Variants in DMD observed in about 807,000 individuals in gnomAD.
DMD encodes mutant dystrophin.
Under a neutral mutation model 330.1 loss-of-function variants are expected in DMD, and 63 were observed. The ratio of observed to expected loss-of-function variants is 0.19; its 90% CI spans 0.16 to 0.24. DMD has a LOEUF of 0.24. DMD is among the 10% of genes least tolerant of loss of function. The pLI, the probability that DMD is intolerant of heterozygous loss-of-function variation, is 1.00. For synonymous variants in DMD, 1,223 were observed against 959.8 expected (o/e 1.27, Z -5.07); for missense variants, 3,344 against 2,684.1 (o/e 1.25, Z -5.43).
At chrX:33,196,570 G>C (rs1051427022) in intron 1 of DMD, among the ~76,000 whole-genome samples, 7 of 111,888 alleles carry the variant, frequency 6.3e-5, no homozygotes, top group Non-Finnish European at 9.4e-5. Flanking sequence ...GTTTATACAA[G>C]TTGGTATCCA....
intron 44 of DMD, among the ~76,000 whole-genome samples, chrX:32,148,307 T>A (rs1318767034): frequency 8.9e-6 from 1 of 111,851 alleles, no homozygotes; most frequent in Admixed American, 9.5e-5. Context: ...GATATTATTA[T>A]GACTACATCA....
intron 2 of DMD, among the ~76,000 whole-genome samples, chrX:32,863,291 C>A (rs1037164916): frequency 9.1e-6 from 1 of 109,318 alleles, no homozygotes; most frequent in Non-Finnish European, 1.9e-5. Flanking sequence ...CCGAGAAGGG[C>A]AGATCACTTG....
chrX:31,765,569 G>A (rs1220007794), intron 51 of DMD, among the ~76,000 whole-genome samples: 1 of 111,680 alleles, frequency 9.0e-6, no homozygotes, highest in Middle Eastern at 4.2e-3. Flanking sequence ...TCAAAAGTAA[G>A]CACTTGAAGG....
Position 33,313,242 on chromosome X carries a change from A to G in DMD, c.7+26017T>C, listed in dbSNP as rs2053876830. ...CCATCTGTACAAAGTTTCAATCAATATACTGCTTGATTAGGCCCTTTTTAT... is the reference window on the plus strand; with the variant it reads ...CCATCTGTACAAAGTTTCAATCAATGTACTGCTTGATTAGGCCCTTTTTAT... On this transcript the variant is annotated intron_variant, in intron 1 of 17. Transcript: ENST00000288447. Among the ~76,000 whole-genome samples, 3 of 112,357 alleles carry G rather than the reference A, an allele frequency of 2.7e-5. No individual in the cohort carries two copies. In the Admixed American group the frequency reaches 2.8e-4, roughly 11 times the overall value.
At chrX:32,447,880 GC>G (rs772915588) in intron 27 of DMD, among the ~76,000 whole-genome samples, 14 of 110,891 alleles carry the variant, frequency 1.3e-4, no homozygotes, top group Non-Finnish European at 2.7e-4. Flanking sequence ...AGACAGTAAG[GC>G]CCATCCATAA....
chrX:32,789,045 C>T (rs1442042732), intron 7 of DMD, among the ~76,000 whole-genome samples: 1 of 111,676 alleles, frequency 9.0e-6, no homozygotes, highest in East Asian at 2.8e-4. Context: ...CTCACCTGGG[C>T]AACCCTTGCT....
At chrX:32,579,434 G>A (rs1316151087) in intron 13 of DMD, among the ~76,000 whole-genome samples, 1 of 111,986 alleles carries the variant, frequency 8.9e-6, no homozygotes, top group Non-Finnish European at 1.9e-5. Flanking sequence ...ACAGTACTGA[G>A]TGTCTGGGAT....
chrX:31,382,070 C>G (rs1282399272), intron 60 of DMD, among the ~76,000 whole-genome samples: 1 of 111,492 alleles, frequency 9.0e-6, no homozygotes, highest in Non-Finnish European at 1.9e-5. Flanking sequence ...TCTATACGGT[C>G]CTATAACAGA....
chrX:33,117,683 G>T (rs143746316), intron 1 of DMD, among the ~76,000 whole-genome samples: 3,186 of 111,223 alleles, frequency 0.029, 124 homozygotes, highest in African/African-American at 0.099. Context: ...AGGGTAAGCA[G>T]TAAAGTTACA....
chrX:32,463,402 C>T lies in DMD; in HGVS notation c.3432+37G>A, dbSNP rs72468658. The T allele has an allele frequency of 1.1e-3, 1,265 of 1,147,761 alleles. 1 individual carries two copies. The highest frequency in any genetic ancestry group is 1.8e-3 in the African/African-American group (102 of 55,930). 94.6% of individuals were successfully genotyped at this position (1,147,761 alleles called of 1,213,427 possible). A position where few individuals can be genotyped will look rare whatever the true frequency, so the allele number is the denominator to read the frequency against. On this transcript the variant is annotated intron_variant, in intron 25 of 78. Transcript: ENST00000357033. ...GACATTAGGAAATCTTAGTTAAGTA[C>T]GTTGAGGCAAGCCACAGTGAAAGAG... is the stretch of plus-strand genomic sequence containing the variant.
intron 2 of DMD, among the ~76,000 whole-genome samples, chrX:32,916,573 G>C (rs1161197951): frequency 9.0e-6 from 1 of 111,284 alleles, no homozygotes; most frequent in Admixed American, 9.6e-5. Flanking sequence ...TGTCTCTCTG[G>C]ATAATATATT....
intron 1 of DMD, among the ~76,000 whole-genome samples, chrX:33,148,555 TTAAAG>T (rs2048134249): frequency 8.9e-6 from 1 of 112,128 alleles, no homozygotes; most frequent in African/African-American, 3.2e-5. Context: ...TTTCTAGATA[TTAAAG>T]TAAATTCATT....
chrX:32,549,370 C>T (rs2049294606), intron 16 of DMD, among the ~76,000 whole-genome samples: 1 of 111,649 alleles, frequency 9.0e-6, no homozygotes, highest in Non-Finnish European at 1.9e-5. Flanking sequence ...TGCCCAGGGC[C>T]CCTGCTCAGG....
Position 32,389,629 on chromosome X carries a change from G to C in DMD, c.4390C>G (p.Pro1464Ala). 8.3e-7 allele frequency: 1 copy of C among 1,210,683 alleles called. No individual in the cohort carries two copies. The highest frequency in any genetic ancestry group is 1.1e-6 in the Non-Finnish European group (1 of 894,982). ...VSMKFRLFQK[P>A]ANFEQRLQES... ...TGTAGACGCTGCTCAAAATTGGCTG[G>C]TTTCTGGAATAATCGAAACTTCATG... The change falls in exon 32 of 79, where the codon CCA becomes GCA. Residue 1464 changes from proline (P) to alanine (A), a missense_variant. Coordinates refer to ENST00000357033, the MANE Select transcript of DMD (RefSeq NM_004006.3).
At chrX:32,594,161 C>A (rs1248211944) in intron 13 of DMD, among the ~76,000 whole-genome samples, 1 of 111,821 alleles carries the variant, frequency 8.9e-6, no homozygotes, top group Non-Finnish European at 1.9e-5. Context: ...GCAGATATAT[C>A]CTATTGGAAG....
At chrX:32,699,518 TC>T (rs1309761331) in intron 7 of DMD, among the ~76,000 whole-genome samples, 4 of 111,927 alleles carry the variant, frequency 3.6e-5, no homozygotes, top group African/African-American at 1.3e-4. Flanking sequence ...TTTTCCTTGT[TC>T]ATATAAAAAC....
At chrX:31,621,313 C>T (rs2078518552) in intron 55 of DMD, among the ~76,000 whole-genome samples, 1 of 112,230 alleles carries the variant, frequency 8.9e-6, no homozygotes, top group African/African-American at 3.2e-5. Flanking sequence ...AACCTCACCA[C>T]TTTGATCATC....
intron 47 of DMD, among the ~76,000 whole-genome samples, chrX:31,880,186 A>G (rs1180876044): frequency 8.9e-6 from 1 of 112,423 alleles, no homozygotes; most frequent in African/African-American, 3.2e-5. Context: ...TTTTAGAAAA[A>G]TTAAAGTGTT....
At chrX:31,443,548 T>C (rs1043694038) in intron 60 of DMD, among the ~76,000 whole-genome samples, 1 of 110,714 alleles carries the variant, frequency 9.0e-6, no homozygotes, top group African/African-American at 3.3e-5. Context: ...TTATCGCATT[T>C]TTTTTTTTTT....
Sources: gnomAD v4.1 joint callset for allele counts (sites outside exome capture counted in the v4.1 genomes callset) on GRCh38, gnomAD v4.1.1 for gene constraint, MANE v1.5 for transcripts, NCBI Gene and HGNC (gene_info 2026-07-23, HGNC 2026-07-21) for gene names.